Variants in TUBGCP4 observed in about 807,000 individuals in gnomAD.
TUBGCP4 encodes tubulin gamma complex component 4.
Under a neutral mutation model 91.6 loss-of-function variants are expected in TUBGCP4, and 54 were observed. The observed-to-expected ratio is 0.59, with a 90% CI of 0.47 to 0.74. The LOEUF (loss-of-function observed/expected upper bound fraction) is 0.74. Among genes scored for constraint, TUBGCP4 ranks in the 30% least tolerant of loss-of-function variants. TUBGCP4 has a pLI of 0.00. For missense variants in TUBGCP4, 593 were observed against 800.9 expected (o/e 0.74, Z 3.13); for synonymous variants, 297 against 302.8 (o/e 0.98, Z 0.20).
intron 15 of TUBGCP4, chr15:43,402,291 TA>T (rs77026401): frequency 1.7e-3 from 233 of 139,322 alleles, no homozygotes; most frequent in South Asian, 4.1e-3. Flanking sequence ...GGGGAGCAGA[TA>T]AAAAAAAAAA....
At chr15:43,383,280 C>G (rs373485746) in intron 6 of TUBGCP4, 23 bp from the exon 7 acceptor site, 60 of 1,602,352 alleles carry the variant, frequency 3.7e-5, no homozygotes, top group Non-Finnish European at 4.9e-5. Flanking sequence ...ACTTCTGAGC[C>G]TCTTACTTTC....
intron 1 of TUBGCP4, among the ~76,000 whole-genome samples, chr15:43,373,495 ATTAAC>A (rs1408724523): frequency 6.6e-6 from 1 of 152,180 alleles, no homozygotes; most frequent in Middle Eastern, 3.2e-3. Flanking sequence ...TTACACATGT[ATTAAC>A]TTATTTAATC....
intron 1 of TUBGCP4, 81 bp from the exon 2 acceptor site, chr15:43,376,017 T>C (rs2044198473): frequency 6.4e-7 from 1 of 1,571,620 alleles, no homozygotes; most frequent in Non-Finnish European, 8.7e-7. Context: ...AAACGATAAA[T>C]GTGTAGTATG....
chr15:43,382,630 A>G (rs919057343), intron 6 of TUBGCP4, among the ~76,000 whole-genome samples: 1 of 152,230 alleles, frequency 6.6e-6, no homozygotes, highest in African/African-American at 2.4e-5. Context: ...CCATTACATC[A>G]TATTAGAAGG....
chr15:43,387,588 A>G (rs926027763), intron 9 of TUBGCP4, among the ~76,000 whole-genome samples: 9 of 151,948 alleles, frequency 5.9e-5, no homozygotes, highest in African/African-American at 1.9e-4. Context: ...CAGCCTCCCA[A>G]GTAGCTGGGA....
At chr15:43,394,440 T>A (rs923648682) in intron 9 of TUBGCP4, 1 of 152,174 alleles carries the variant, frequency 6.6e-6, no homozygotes, top group Non-Finnish European at 1.5e-5. Flanking sequence ...GAAATCCAGT[T>A]TACCTTTTGT....
chr15:43,391,926 G>A (rs746228723), intron 9 of TUBGCP4, among the ~76,000 whole-genome samples: 1 of 151,946 alleles, frequency 6.6e-6, no homozygotes, highest in African/African-American at 2.4e-5. Flanking sequence ...GCAGTGGTGC[G>A]TGCCTATAGT....
chr15:43,374,267 T>C (rs2044168975), intron 1 of TUBGCP4, among the ~76,000 whole-genome samples: 1 of 152,154 alleles, frequency 6.6e-6, no homozygotes, highest in African/African-American at 2.4e-5. Flanking sequence ...GTAATGGAAA[T>C]GTAAAATGGT....
chr15:43,378,924 A>C (rs1283775093), intron 5 of TUBGCP4, among the ~76,000 whole-genome samples: 2 of 152,216 alleles, frequency 1.3e-5, no homozygotes, highest in Non-Finnish European at 2.9e-5. Flanking sequence ...CCACTAGATT[A>C]AACTATCTCC....
chr15:43,404,909 G>A (rs1388377924), intron 17 of TUBGCP4: 1 of 501,518 alleles, frequency 2.0e-6, no homozygotes, highest in Non-Finnish European at 3.5e-6. Context: ...TCTGTGAAAG[G>A]AGGCGACCAC....
intron 3 of TUBGCP4, 147 bp downstream of exon 3, chr15:43,376,772 C>A (rs959119223): frequency 2.5e-6 from 3 of 1,200,274 alleles, no homozygotes; most frequent in Non-Finnish European, 3.5e-6. Flanking sequence ...TCAGTGATTG[C>A]CCAACCTGTG....
Position 43,407,573 on chromosome 15 carries a change from G to A in TUBGCP4, c.*2359G>A. The A allele has an allele frequency of 6.2e-7, 1 of 1,608,946 alleles. No homozygotes were observed. The highest frequency in any genetic ancestry group is 8.5e-7 in the Non-Finnish European group (1 of 1,176,528). On this transcript the variant is annotated 3_prime_UTR_variant, in exon 18 of 18. Coordinates refer to ENST00000564079, the MANE Select transcript of TUBGCP4 (RefSeq NM_014444.5). ...ATCAAATACCCCTAAAGCAATATCT[G>A]CAAGGAGCAAGGGAAAGTGAAGAAG...
intron 10 of TUBGCP4, 53 bp from the exon 11 acceptor site, chr15:43,395,530 T>A (rs2044566288): frequency 7.6e-7 from 1 of 1,314,426 alleles, no homozygotes; most frequent in Non-Finnish European, 1.1e-6. Flanking sequence ...CTCAGGACAG[T>A]GAGGAGCTCC....
In TUBGCP4 at chr15:43,376,128, A is replaced by G; in HGVS notation, c.109A>G (p.Ser37Gly). The stretch of plus-strand genomic sequence containing the variant: ...GCAGGACTTCCCTTTCCTCCACCCC[A>G]GTGAGACCAGTGTCCTGAATCGACT... The part of the protein sequence containing the change: ...VSQDFPFLHP[S>G]ETSVLNRLCR... The change falls in exon 2 of 18, where the codon AGT (serine) becomes GGT (glycine). Residue 37 changes from serine to glycine, a missense_variant. Physicochemically the swap from Ser to Gly is moderately conservative, Grantham distance 56 (BLOSUM62 0). Coordinates refer to ENST00000564079, the MANE Select transcript of TUBGCP4 (RefSeq NM_014444.5). 1.2e-6 allele frequency: 2 copies of G among 1,602,794 alleles called. No homozygotes were observed. The highest frequency in any genetic ancestry group is 1.7e-6 in the Non-Finnish European group (2 of 1,172,932).
At chr15:43,371,487 C>A in intron 1 of TUBGCP4, 55 bp downstream of exon 1, 1 of 1,576,614 alleles carries the variant, frequency 6.3e-7, no homozygotes. Context: ...GGGACCTGAG[C>A]CAGCGCCTGG....
chr15:43,402,011 G>A (rs1174239980), intron 15 of TUBGCP4, 161 bp downstream of exon 15: 6 of 894,440 alleles, frequency 6.7e-6, no homozygotes, highest in Non-Finnish European at 9.7e-6. Context: ...GGTGGCTCAT[G>A]CCTGTAATCC....
rs3742973 is a variant in TUBGCP4, at chr15:43,405,261, G to C, written c.*47G>C. 6.2e-6 allele frequency: 10 copies of C among 1,607,474 alleles called. No homozygotes were observed. In the East Asian group the frequency reaches 1.8e-4, roughly 29 times the overall value. ...AAATAACAGCCACGTTCCCAAGGTT[G>C]TAACAGAAGATTCAAAACATCCCAT... On this transcript the variant is annotated 3_prime_UTR_variant, in exon 18 of 18. Transcript: ENST00000564079.
intron 9 of TUBGCP4, among the ~76,000 whole-genome samples, chr15:43,392,925 C>G (rs763191548): frequency 1.3e-5 from 2 of 152,098 alleles, no homozygotes; most frequent in Non-Finnish European, 2.9e-5. Flanking sequence ...TGCTTTCATC[C>G]CACTCTTCCT....
chr15:43,397,522 G>A (rs1165245796), intron 12 of TUBGCP4, among the ~76,000 whole-genome samples: 1 of 152,078 alleles, frequency 6.6e-6, no homozygotes, highest in Non-Finnish European at 1.5e-5. Context: ...CATGTTTTGG[G>A]GGAGTTGGTT....
Sources: gnomAD v4.1 joint callset for allele counts (sites outside exome capture counted in the v4.1 genomes callset) on GRCh38, gnomAD v4.1.1 for gene constraint, MANE v1.5 for transcripts, NCBI Gene and HGNC (gene_info 2026-07-23, HGNC 2026-07-21) for gene names.